Variants in COL24A1 observed in about 807,000 individuals in gnomAD.
COL24A1 encodes collagen type XXIV alpha 1 chain.
A neutral mutation model predicts 253.9 loss-of-function variants in COL24A1; 224 were observed. The ratio of observed to expected loss-of-function variants is 0.88; its 90% CI spans 0.79 to 0.99. COL24A1 has a LOEUF of 0.99. Among genes scored for constraint, COL24A1 ranks in the 50% least tolerant of loss-of-function variants. The pLI is 0.00. For missense variants in COL24A1, 2,131 were observed against 2,068.5 expected (o/e 1.03, Z -0.59); for synonymous variants, 685 against 673.7 (o/e 1.02, Z -0.26).
At chr1:86,130,090 T>A (rs1038223506) in intron 2 of COL24A1, among the ~76,000 whole-genome samples, 1 of 151,870 alleles carries the variant, frequency 6.6e-6, no homozygotes, top group Non-Finnish European at 1.5e-5. Context: ...GTACTGCACC[T>A]TTCAGAATTA....
At chr1:85,988,165 C>T (rs945779771) in intron 19 of COL24A1, among the ~76,000 whole-genome samples, 2 of 151,394 alleles carry the variant, frequency 1.3e-5, no homozygotes, top group Admixed American at 6.6e-5. Context: ...TTGTATCTAA[C>T]CCAACTATCT....
At chr1:86,152,575 G>T (rs1652919091) in intron 1 of COL24A1, among the ~76,000 whole-genome samples, 1 of 152,162 alleles carries the variant, frequency 6.6e-6, no homozygotes, top group Non-Finnish European at 1.5e-5. Flanking sequence ...TAGATGAGCA[G>T]TACTCAACCT....
At chr1:85,962,340 G>A (rs1189454549) in intron 23 of COL24A1, among the ~76,000 whole-genome samples, 1 of 152,120 alleles carries the variant, frequency 6.6e-6, no homozygotes, top group Non-Finnish European at 1.5e-5. Context: ...TGGCAAACTT[G>A]ACCTAACTTG....
chr1:85,944,776 G>A (rs1434729391), intron 24 of COL24A1, among the ~76,000 whole-genome samples: 1 of 151,672 alleles, frequency 6.6e-6, no homozygotes, highest in African/African-American at 2.4e-5. Flanking sequence ...AGTCCCCAGA[G>A]TGTGATGTTC....
intron 7 of COL24A1, among the ~76,000 whole-genome samples, chr1:86,084,128 T>C (rs1557552317): frequency 6.6e-6 from 1 of 152,016 alleles, no homozygotes; most frequent in African/African-American, 2.4e-5. Context: ...GAGAAAACTA[T>C]GGCAAAATTG....
chr1:85,894,476 T>C (rs1034270982), intron 31 of COL24A1, among the ~76,000 whole-genome samples: 1 of 152,152 alleles, frequency 6.6e-6, no homozygotes. Context: ...GAATGACCTA[T>C]ATTTTTACCT....
chr1:86,108,386 A>G (rs1285397406), intron 5 of COL24A1, among the ~76,000 whole-genome samples: 1 of 152,078 alleles, frequency 6.6e-6, no homozygotes, highest in African/African-American at 2.4e-5. Flanking sequence ...TCAATGAAAT[A>G]CAATACTTTC....
chr1:85,891,131 A>T (rs1234990711), intron 31 of COL24A1, among the ~76,000 whole-genome samples: 1 of 151,458 alleles, frequency 6.6e-6, no homozygotes. Flanking sequence ...GCTCACTGCA[A>T]CCTCCACATC....
intron 43 of COL24A1, among the ~76,000 whole-genome samples, chr1:85,825,429 T>A (rs942449991): frequency 6.6e-6 from 1 of 152,130 alleles, no homozygotes; most frequent in South Asian, 2.1e-4. Flanking sequence ...AGTCCTTTGG[T>A]TATATACCCA....
chr1:85,908,828 TA>T (rs1023385474), intron 26 of COL24A1, among the ~76,000 whole-genome samples, 177 bp from the exon 27 acceptor site: 7 of 151,220 alleles, frequency 4.6e-5, no homozygotes, highest in Admixed American at 1.3e-4. Context: ...ACCATAGAAA[TA>T]AAAAAAAATT....
intron 7 of COL24A1, 107 bp from the exon 8 acceptor site, chr1:86,063,866 T>A (rs1701288104): frequency 1.9e-6 from 1 of 519,714 alleles, no homozygotes; most frequent in Admixed American, 3.2e-5. Context: ...GGTTGCCTCA[T>A]CAATACAAAT....
chr1:85,966,485 G>C (rs606678), intron 22 of COL24A1, among the ~76,000 whole-genome samples: 104,351 of 151,880 alleles, frequency 0.69, 36,892 homozygotes, highest in African/African-American at 0.84. Context: ...AAGTCCTAGG[G>C]TGGATGACCT....
chr1:86,151,028 T>TATACACACACCTA (rs1652688029), intron 1 of COL24A1, among the ~76,000 whole-genome samples: 1 of 152,030 alleles, frequency 6.6e-6, no homozygotes, highest in Non-Finnish European at 1.5e-5. Flanking sequence ...CTTAGCAAAA[T>TATACACACACCTA]GTTATATATA....
chr1:85,872,976 TCAAA>T (rs1680706527), intron 35 of COL24A1, among the ~76,000 whole-genome samples: 1 of 151,916 alleles, frequency 6.6e-6, no homozygotes, highest in Non-Finnish European at 1.5e-5. Flanking sequence ...TACAAAGAAC[TCAAA>T]CAAACTTACA....
intron 7 of COL24A1, among the ~76,000 whole-genome samples, chr1:86,081,594 A>G (rs1017060854): frequency 6.6e-5 from 10 of 152,186 alleles, no homozygotes; most frequent in Admixed American, 4.6e-4. Context: ...CAAAACAAGG[A>G]AGCAACGCAA....
chr1:85,796,470 G>A (rs931113278), intron 47 of COL24A1, among the ~76,000 whole-genome samples: 16 of 152,062 alleles, frequency 1.1e-4, no homozygotes, highest in African/African-American at 3.9e-4. Context: ...GATATGTCTG[G>A]GTTCACATCA....
At chr1:86,155,430 G>C (rs1458438908) in intron 1 of COL24A1, 1 of 153,024 alleles carries the variant, frequency 6.5e-6, no homozygotes, top group Non-Finnish European at 1.5e-5. Context: ...TTCCACAGCC[G>C]CGTTCACCCT....
intron 55 of COL24A1, among the ~76,000 whole-genome samples, chr1:85,748,427 G>A (rs1665518256): frequency 6.6e-6 from 1 of 152,186 alleles, no homozygotes; most frequent in African/African-American, 2.4e-5. Context: ...AAATCTAGGA[G>A]ACAGCAAAAG....
At chr1:85,744,965 A>G in intron 56 of COL24A1, 131 bp from the exon 57 acceptor site, 1 of 640,808 alleles carries the variant, frequency 1.6e-6, no homozygotes. Flanking sequence ...GTTTATATTT[A>G]AGCATAGGCA....
Sources: gnomAD v4.1 joint callset for allele counts (sites outside exome capture counted in the v4.1 genomes callset) on GRCh38, gnomAD v4.1.1 for gene constraint, MANE v1.5 for transcripts, NCBI Gene and HGNC (gene_info 2026-07-23, HGNC 2026-07-21) for gene names.